The following ADAMTS18 variants were observed in gnomAD, a reference collection of about 807,000 sequenced individuals.
ADAMTS18 encodes A disintegrin and metalloproteinase with thrombospondin motifs 18.
ADAMTS18 carries 157 observed loss-of-function variants against 165.9 expected under a neutral mutation model. That is an observed-to-expected ratio of 0.95 (90% CI 0.83 to 1.08). The LOEUF (loss-of-function observed/expected upper bound fraction) is 1.08, where lower values mean the gene tolerates loss of function less well. Ranked by LOEUF, ADAMTS18 falls within the 50% of genes least tolerant of loss-of-function variation. The pLI, the probability that ADAMTS18 is intolerant of heterozygous loss-of-function variation, is 0.00. For missense variants in ADAMTS18, 2,040 were observed against 1,534.0 expected (o/e 1.33, Z -5.51); for synonymous variants, 782 against 578.2 (o/e 1.35, Z -5.06).
chr16:77,410,631 C>T (rs984753056), intron 3 of ADAMTS18, among the ~76,000 whole-genome samples: 5 of 152,186 alleles, frequency 3.3e-5, no homozygotes, highest in Non-Finnish European at 5.9e-5. Context: ...AAAACCAAGT[C>T]TCTCGACCCC....
At position 77,355,974 on chromosome 16, in the gene ADAMTS18, A is replaced by C. The variant is rs2056623924; in HGVS notation, c.1426T>G (p.Ser476Ala). The change falls in exon 9 of 23, where the codon TCC (serine) becomes GCC (alanine). Residue 476 changes from serine (S) to alanine (A), a missense_variant. Ser to Ala is a moderately conservative substitution (Grantham distance 99). Transcript: ENST00000282849. ...TGNNGVFSWS[S>A]CSRQYLKKFL... Reference sequence around the variant, plus strand: ...TTCTTGAGATACTGGCGGCTGCAGGAAGACCATGAAAACACTCCATTGTTT... The same window carrying C: ...TTCTTGAGATACTGGCGGCTGCAGGCAGACCATGAAAACACTCCATTGTTT... 1 of 1,614,008 alleles carries C rather than the reference A, an allele frequency of 6.2e-7. No homozygotes were observed. The highest frequency in any genetic ancestry group is 8.5e-7 in the Non-Finnish European group (1 of 1,180,000).
At position 77,395,746 on chromosome 16, in the gene ADAMTS18, A is replaced by T. The variant is rs182232041; in HGVS notation, c.496-28023T>A. ...GCGCCTGCCCTGACACTAAGGATTT[A>T]AAAAAAAATAGTAATAATGAAAGGA... On this transcript the variant is annotated intron_variant, in intron 3 of 22. Coordinates refer to ENST00000282849, the MANE Select transcript of ADAMTS18 (RefSeq NM_199355.4). Among the ~76,000 whole-genome samples, 562 of 151,728 alleles carry T rather than the reference A, an allele frequency of 3.7e-3. 6 individuals are homozygous for T. The highest frequency in any genetic ancestry group is 0.013 in the African/African-American group (540 of 41,402).
In ADAMTS18 at chr16:77,319,923, C is replaced by G; in HGVS notation, c.2458G>C (p.Glu820Gln). Residue 820 changes from glutamate (E) to glutamine (Q), a missense_variant, in exon 16 of 23, where the codon GAA becomes CAA. By Grantham distance (29) the Glu-to-Gln change is conservative (BLOSUM62 2). Coordinates refer to ENST00000282849, the MANE Select transcript of ADAMTS18 (RefSeq NM_199355.4). ...GGGCGGTTGAAAGAGCGCTGGTATT[C>G]AAACGTGGTCCCAGCGAAGGGGAAC... ...GEFPFAGTTFEYQRSFNRPER... is the reference protein window; with the variant it reads ...GEFPFAGTTFQYQRSFNRPER... 1 of 1,614,156 alleles carries G rather than the reference C, an allele frequency of 6.2e-7. No homozygotes were observed. Among genetic ancestry groups the G allele is most frequent in the Non-Finnish European group, 8.5e-7 (1 of 1,180,022 alleles).
intron 22 of ADAMTS18, among the ~76,000 whole-genome samples, chr16:77,285,330 G>A (rs1235769437): frequency 6.6e-6 from 1 of 151,960 alleles, no homozygotes; most frequent in African/African-American, 2.4e-5. Context: ...CCACCACCAC[G>A]CCCAGTTAAT....
intron 8 of ADAMTS18, among the ~76,000 whole-genome samples, chr16:77,356,884 A>G (rs543578224): frequency 3.5e-4 from 53 of 152,250 alleles, no homozygotes; most frequent in Non-Finnish European, 6.6e-4. Flanking sequence ...TACCATAAAG[A>G]CAAAGCTTAC....
chr16:77,322,000 A>G (rs1023726189), intron 14 of ADAMTS18, among the ~76,000 whole-genome samples: 6 of 152,010 alleles, frequency 3.9e-5, no homozygotes, highest in African/African-American at 1.4e-4. Context: ...TACTAAAAAT[A>G]CAAAATTAGC....
intron 3 of ADAMTS18, among the ~76,000 whole-genome samples, chr16:77,371,538 T>A (rs1380300829): frequency 2.6e-5 from 4 of 152,096 alleles, no homozygotes; most frequent in Non-Finnish European, 5.9e-5. Context: ...AAAGGACAGT[T>A]TTTTCAACAA....
At chr16:77,339,607 A>C (rs202228101) in intron 11 of ADAMTS18, among the ~76,000 whole-genome samples, 1 of 151,628 alleles carries the variant, frequency 6.6e-6, no homozygotes, top group Non-Finnish European at 1.5e-5. Context: ...TTAAAAAAAA[A>C]AACAAAACAC....
intron 3 of ADAMTS18, among the ~76,000 whole-genome samples, chr16:77,397,202 A>G (rs747162589): frequency 3.9e-5 from 6 of 152,178 alleles, no homozygotes; most frequent in Non-Finnish European, 7.4e-5. Flanking sequence ...AATCTAAGTT[A>G]GACATGGGAA....
intron 22 of ADAMTS18, among the ~76,000 whole-genome samples, chr16:77,286,538 T>C (rs1475912492): frequency 1.3e-5 from 2 of 152,208 alleles, no homozygotes; most frequent in Non-Finnish European, 2.9e-5. Flanking sequence ...TTCCCAGTTT[T>C]ATGAATGCTC....
intron 18 of ADAMTS18, among the ~76,000 whole-genome samples, chr16:77,295,420 G>A (rs542369362): frequency 6.6e-6 from 1 of 152,276 alleles, no homozygotes; most frequent in African/African-American, 2.4e-5. Flanking sequence ...AATTTGTTGG[G>A]ATTTTAACTA....
intron 17 of ADAMTS18, among the ~76,000 whole-genome samples, chr16:77,298,018 G>A (rs554985797): frequency 5.7e-5 from 8 of 141,550 alleles, no homozygotes; most frequent in South Asian, 2.4e-4. Flanking sequence ...TCTGCCTCCC[G>A]GGTTCAAGCG....
At chr16:77,287,489 C>G (rs1461862738) in intron 22 of ADAMTS18, among the ~76,000 whole-genome samples, 1 of 152,054 alleles carries the variant, frequency 6.6e-6, no homozygotes, top group Non-Finnish European at 1.5e-5. Context: ...AGAGAAACTC[C>G]TCTTTTTGAG....
chr16:77,309,548 T>C (rs1275434400), intron 16 of ADAMTS18, among the ~76,000 whole-genome samples: 3 of 152,230 alleles, frequency 2.0e-5, no homozygotes, highest in Non-Finnish European at 4.4e-5. Flanking sequence ...TGGACTGGCA[T>C]GTGACTTAGT....
intron 22 of ADAMTS18, among the ~76,000 whole-genome samples, 174 bp from the exon 23 acceptor site, chr16:77,284,245 C>T (rs1156752870): frequency 6.6e-6 from 1 of 151,620 alleles, no homozygotes; most frequent in Non-Finnish European, 1.5e-5. Flanking sequence ...CCTGCCTAAG[C>T]TTCCCAAGTA....
chr16:77,348,969 T>C (rs539604415), intron 10 of ADAMTS18, among the ~76,000 whole-genome samples: 3 of 152,076 alleles, frequency 2.0e-5, no homozygotes, highest in Admixed American at 2.0e-4. Flanking sequence ...AAGGAAATAT[T>C]TGGAAAACAC....
At chr16:77,394,397 C>T (rs1294011505) in intron 3 of ADAMTS18, among the ~76,000 whole-genome samples, 1 of 152,078 alleles carries the variant, frequency 6.6e-6, no homozygotes, top group Non-Finnish European at 1.5e-5. Flanking sequence ...ATGAAAAAGA[C>T]AATAGCTTTA....
chr16:77,299,192 G>A (rs1213979884), intron 17 of ADAMTS18, among the ~76,000 whole-genome samples: 4 of 152,184 alleles, frequency 2.6e-5, no homozygotes, highest in Non-Finnish European at 4.4e-5. Context: ...TGATACTCAC[G>A]GTATGTGAGT....
rs1234480575 is a variant in ADAMTS18, at chr16:77,288,103, T to C, written c.3550+1161A>G. 5.9e-5 allele frequency among the ~76,000 whole-genome samples: 9 copies of C among 152,192 alleles called. No individual in the cohort carries two copies. In the East Asian group the frequency reaches 1.7e-3, roughly 29 times the overall value. The stretch of plus-strand genomic sequence containing the variant: ...TTATTGAGTACCTGTTGCGTGCCCA[T>C]TGTGGTATTAGGTGCTGGGTGAGCC... On this transcript the variant is annotated intron_variant, in intron 22 of 22. Transcript: ENST00000282849.
Sources: allele counts gnomAD v4.1 joint callset (sites outside exome capture counted in the v4.1 genomes callset), GRCh38; gene constraint gnomAD v4.1.1; transcripts MANE v1.5; gene names NCBI Gene and HGNC (gene_info 2026-07-23, HGNC 2026-07-21).